Variants in RHOU observed in about 807,000 individuals in gnomAD.
RHOU encodes the protein rho-related GTP-binding protein RhoU.
In RHOU, 8 loss-of-function variants were observed where a neutral mutation model predicts 12.6. The ratio of observed to expected loss-of-function variants is 0.64; its 90% CI spans 0.37 to 1.15. The LOEUF is 1.15. RHOU is among the 50% of genes most tolerant of loss of function. RHOU has a pLI of 0.01. For missense variants in RHOU, 258 were observed against 347.0 expected, an observed-to-expected ratio of 0.74 and a Z score of 2.04; for synonymous variants, 161 against 147.4, an observed-to-expected ratio of 1.09 and a Z score of -0.67.
chr1:228,663,882 C>T, the RHOU span, among the ~76,000 whole-genome samples: 4 of 151,572 alleles, frequency 2.6e-5, no homozygotes, highest in Admixed American at 6.6e-5. Context: ...ATCCACCCGC[C>T]TTGGCCTCTC....
At chr1:228,720,307 T>C in the RHOU span, among the ~76,000 whole-genome samples, 2 of 152,218 alleles carry the variant, frequency 1.3e-5, no homozygotes, top group African/African-American at 4.8e-5. Flanking sequence ...CATACTATCA[T>C]AGCATAAGCA....
chr1:228,651,080 CT>C, the RHOU span: 1 of 238,028 alleles, frequency 4.2e-6, no homozygotes, highest in Non-Finnish European at 8.9e-6. Context: ...GCACTTCTGC[CT>C]GAAGGAGGCC....
the RHOU span, among the ~76,000 whole-genome samples, chr1:228,694,856 A>G: frequency 3.3e-5 from 5 of 152,082 alleles, no homozygotes; most frequent in Non-Finnish European, 5.9e-5. Flanking sequence ...ATCAAATGGT[A>G]TTTCTGCCTC....
At chr1:228,676,836 T>G in the RHOU span, among the ~76,000 whole-genome samples, 7 of 151,888 alleles carry the variant, frequency 4.6e-5, no homozygotes, top group African/African-American at 1.7e-4. Context: ...CATTGATCAG[T>G]TAGGGTGGGG....
At chr1:228,702,642 C>G in the RHOU span, among the ~76,000 whole-genome samples, 1 of 152,152 alleles carries the variant, frequency 6.6e-6, no homozygotes, top group African/African-American at 2.4e-5. Context: ...GACCTTAAAG[C>G]TTGAAGCAGA....
chr1:228,657,483 C>G, the RHOU span, among the ~76,000 whole-genome samples: 1 of 151,932 alleles, frequency 6.6e-6, no homozygotes, highest in Non-Finnish European at 1.5e-5. Context: ...GATAATGTAA[C>G]AATTGTAAAC....
chr1:228,657,764 C>T, the RHOU span, among the ~76,000 whole-genome samples: 86 of 152,236 alleles, frequency 5.6e-4, no homozygotes, highest in Non-Finnish European at 9.1e-4. Context: ...CCAGTATAGA[C>T]CATATGTCAG....
At chr1:228,691,109 T>C in the RHOU span, among the ~76,000 whole-genome samples, 1 of 152,114 alleles carries the variant, frequency 6.6e-6, no homozygotes, top group Non-Finnish European at 1.5e-5. Flanking sequence ...AAATAGACTT[T>C]ATTTTTCAAA....
chr1:228,707,129 T>C, the RHOU span, among the ~76,000 whole-genome samples: 187 of 105,732 alleles, frequency 1.8e-3, 3 homozygotes, highest in East Asian at 0.01. Context: ...TATATATACA[T>C]ATATATATAT....
chr1:228,661,724 C>T, the RHOU span, among the ~76,000 whole-genome samples: 1 of 152,120 alleles, frequency 6.6e-6, no homozygotes, highest in Non-Finnish European at 1.5e-5. Context: ...ACCATAAAAA[C>T]CCTAGAAGAA....
intron 1 of RHOU, among the ~76,000 whole-genome samples, chr1:228,736,320 G>A (rs1389447743): frequency 6.6e-6 from 1 of 151,642 alleles, no homozygotes; most frequent in African/African-American, 2.4e-5. Context: ...AGTGAAACAG[G>A]TTGAGTTCAG....
chr1:228,677,976 C>T, the RHOU span, among the ~76,000 whole-genome samples: 5 of 152,234 alleles, frequency 3.3e-5, no homozygotes, highest in Non-Finnish European at 7.4e-5. Context: ...AAGGCCTCTA[C>T]CCATCTAGTG....
the RHOU span, among the ~76,000 whole-genome samples, chr1:228,728,516 T>A: frequency 3.3e-5 from 5 of 152,212 alleles, no homozygotes; most frequent in Admixed American, 6.5e-5. Context: ...ATAAATAGGA[T>A]TTTGGTACTC....
chr1:228,710,264 T>C, the RHOU span, among the ~76,000 whole-genome samples: 38 of 152,218 alleles, frequency 2.5e-4, no homozygotes, highest in African/African-American at 8.7e-4. Context: ...CTTTTGAAAC[T>C]ATTCCACTCA....
Position 228,736,353 on chromosome 1 carries a change from T to C in RHOU, c.262+349T>C, listed in dbSNP as rs570567337. Among the ~76,000 whole-genome samples, 4 of 151,642 alleles carry C rather than the reference T, an allele frequency of 2.6e-5. No homozygotes were observed. The South Asian group carries it at 8.3e-4, about 32-fold the overall frequency. On this transcript the variant is annotated intron_variant, in intron 1 of 2. Transcript: ENST00000366691. ...CAGGGTGCCCGGTCAGTTTGTTGCA[T>C]AGAGCAAAGTTTCCTGAGGGCGACG...
chr1:228,740,015 C>G (rs1048152027), intron 2 of RHOU, among the ~76,000 whole-genome samples: 1 of 152,184 alleles, frequency 6.6e-6, no homozygotes, highest in African/African-American at 2.4e-5. Flanking sequence ...AAAAGAGGTT[C>G]GGGCTTAGAG....
chr1:228,714,333 A>C, the RHOU span, among the ~76,000 whole-genome samples: 1 of 152,354 alleles, frequency 6.6e-6, no homozygotes, highest in African/African-American at 2.4e-5. Flanking sequence ...TCAATATTAT[A>C]CTTGCTTCAC....
the RHOU span, among the ~76,000 whole-genome samples, chr1:228,677,599 G>C: frequency 6.6e-6 from 1 of 152,138 alleles, no homozygotes; most frequent in African/African-American, 2.4e-5. Context: ...GATTAGAAAC[G>C]GCTAGGAGAG....
At position 228,743,354 on chromosome 1, in the gene RHOU, G is replaced by A. The variant is rs969037679; in HGVS notation, c.391G>A (p.Val131Met). ...TDIFLLCFSV[V>M]SPSSFQNVSE... ...CATCTTCCTGCTCTGCTTCAGTGTC[G>A]TGAGCCCCTCATCCTTCCAGAACGT... The change falls in exon 3 of 3, where the codon GTG becomes ATG. Residue 131 changes from valine to methionine, a missense_variant. Physicochemically the swap from Val to Met is conservative, Grantham distance 21. Transcript: ENST00000366691. This position sits in a 1 kb window ranked among gnomAD's most constrained non-coding sequence, Gnocchi z 5.1. 25 of 1,614,030 alleles carry A rather than the reference G, an allele frequency of 1.5e-5. No individual in the cohort carries two copies. The highest frequency in any genetic ancestry group is 1.3e-4 in the African/African-American group (10 of 74,894).
Sources: allele counts gnomAD v4.1 joint callset (sites outside exome capture counted in the v4.1 genomes callset), GRCh38; gene constraint gnomAD v4.1.1; non-coding constraint Gnocchi (gnomAD v3.1); transcripts MANE v1.5; gene names NCBI Gene and HGNC (gene_info 2026-07-23, HGNC 2026-07-21).